ZSCAN29: variants seen among roughly 807,000 people sequenced by gnomAD.
ZSCAN29 encodes zinc finger and SCAN domain containing 29, also known as zinc finger and SCAN domain-containing protein 29.
A neutral mutation model predicts 71.9 loss-of-function variants in ZSCAN29; 55 were observed. The observed-to-expected ratio is 0.76, with a 90% CI of 0.62 to 0.96. The LOEUF is 0.96. ZSCAN29 is among the 40% of genes least tolerant of loss of function. The pLI, the probability that ZSCAN29 is intolerant of heterozygous loss-of-function variation, is 0.00. For missense variants in ZSCAN29, 1,042 were observed against 1,042.2 expected (o/e 1.00, Z 0.00); for synonymous variants, 351 against 371.6 (o/e 0.94, Z 0.64).
rs1284435982 is a variant in ZSCAN29 at position 43,364,613 on chromosome 15, T to TA, written c.1223-232dup. 8 of 581,844 alleles carry TA rather than the reference T, an allele frequency of 1.4e-5. No homozygotes were observed. The African/African-American group carries it at 1.5e-4, about 11-fold the overall frequency. 36.0% of individuals were successfully genotyped at this position (581,844 alleles called of 1,614,324 possible). A position where few individuals can be genotyped will look rare whatever the true frequency, so the allele number is the denominator to read the frequency against. ...TATTTACAAATTCTGTTTAGCCATA[T>TA]AAAAAAGAAGCTGGCCAGGCACAGT... is the stretch of plus-strand genomic sequence containing the variant. On this transcript the variant is annotated intron_variant, in intron 4 of 5. Coordinates refer to ENST00000684362, the MANE Select transcript of ZSCAN29 (RefSeq NM_001372080.1).
intron 5 of ZSCAN29, among the ~76,000 whole-genome samples, chr15:43,363,060 C>G (rs753819434): frequency 1.3e-5 from 2 of 151,926 alleles, no homozygotes; most frequent in Non-Finnish European, 2.9e-5. Flanking sequence ...TCACTGCAAC[C>G]TCTGCCTCCC....
chr15:43,365,459 G>A (rs1276537169), intron 4 of ZSCAN29, among the ~76,000 whole-genome samples: 1 of 152,162 alleles, frequency 6.6e-6, no homozygotes, highest in Admixed American at 6.5e-5. Flanking sequence ...ATGAATCTCA[G>A]AGGAAACTTA....
In ZSCAN29 at chr15:43,366,434, T is replaced by C. The variant is rs746876609; in HGVS notation, c.898A>G (p.Thr300Ala). The change falls in exon 4 of 6, where the codon ACC becomes GCC. Residue 300 changes from threonine to alanine, a missense_variant. Transcript: ENST00000684362. ...GFLRTLEQCRTKFKGLQKSYR... is the reference protein window; with the variant it reads ...GFLRTLEQCRAKFKGLQKSYR... Reference sequence around the variant, plus strand: ...CTCTTCTGGAGACCTTTGAACTTGGTCCGACACTGTTCCAGGGTCCGGAGG... The same window carrying C: ...CTCTTCTGGAGACCTTTGAACTTGGCCCGACACTGTTCCAGGGTCCGGAGG... The C allele has an allele frequency of 3.1e-6, 5 of 1,614,190 alleles. No individual in the cohort carries two copies. The highest frequency in any genetic ancestry group is 4.2e-6 in the Non-Finnish European group (5 of 1,180,036).
chr15:43,361,767 CCT>C lies in ZSCAN29; in HGVS notation c.1863_1864del (p.Gly626LysfsTer11), dbSNP rs1354512931. On this transcript the variant is annotated frameshift_variant, in exon 6 of 6. Transcript: ENST00000684362. LOFTEE classifies it high-confidence loss of function. ...GAGTGTCAGTTTTCCTCTTTTCTCC[CCT>C]GAGGTCTTTGCCCACTGTCTTCCTG... The C allele has an allele frequency of 6.2e-7, 1 of 1,614,144 alleles. No homozygotes were observed. The highest frequency in any genetic ancestry group is 8.5e-7 in the Non-Finnish European group (1 of 1,180,028).
intron 2 of ZSCAN29, 68 bp downstream of exon 2, chr15:43,369,528 T>C: frequency 1.3e-6 from 2 of 1,508,188 alleles, no homozygotes; most frequent in Non-Finnish European, 9.0e-7. Flanking sequence ...TTTAAGCCTG[T>C]CTATATCTTA....
intron 3 of ZSCAN29, among the ~76,000 whole-genome samples, chr15:43,367,882 C>T (rs1001353317): frequency 1.4e-4 from 21 of 152,146 alleles, no homozygotes; most frequent in African/African-American, 4.6e-4. Flanking sequence ...TTCAAAACAA[C>T]CTCAACAAAT....
At chr15:43,365,731 A>C (rs906804042) in intron 4 of ZSCAN29, among the ~76,000 whole-genome samples, 1 of 148,082 alleles carries the variant, frequency 6.8e-6, no homozygotes, top group African/African-American at 2.6e-5. Flanking sequence ...AATATGTAAA[A>C]CATCAAGTTC....
Position 43,358,278 on chromosome 15 carries a change from AGACATCTG to A in ZSCAN29, c.*2787_*2794del, listed in dbSNP as rs1424328383. 6.6e-6 allele frequency: 1 copy of A among 152,640 alleles called. No individual in the cohort carries two copies. Among genetic ancestry groups the A allele is most frequent in the Non-Finnish European group, 1.5e-5 (1 of 68,038 alleles). 9.5% of individuals were successfully genotyped at this position (152,640 alleles called of 1,614,324 possible). A position where few individuals can be genotyped will look rare whatever the true frequency, so the allele number is the denominator to read the frequency against. On this transcript the variant is annotated 3_prime_UTR_variant, in exon 6 of 6. Coordinates refer to ENST00000684362, the MANE Select transcript of ZSCAN29 (RefSeq NM_001372080.1). ...GGAAATGGAGGCAGGTTAACTTACA[AGACATCTG>A]GAACCAGAATATCTGTTGATACCAC... is the stretch of plus-strand genomic sequence containing the variant.
intron 4 of ZSCAN29, 188 bp from the exon 5 acceptor site, chr15:43,364,570 C>T (rs1252855345): frequency 1.4e-6 from 1 of 694,416 alleles, no homozygotes; most frequent in Admixed American, 2.1e-5. Context: ...TATCCTTTAG[C>T]AATTTCACAG....
At position 43,364,104 on chromosome 15, in the gene ZSCAN29, G is replaced by A. The variant is rs201009870; in HGVS notation, c.1501C>T (p.Pro501Ser). 4 of 1,614,114 alleles carry A rather than the reference G, an allele frequency of 2.5e-6. No homozygotes were observed. In the South Asian group the frequency reaches 3.3e-5, roughly 13 times the overall value. ...GTCTCTTCCTGGCCATCATTGGGTGGGGCAGCAACCCGGACACTCACCAAA... is the reference window on the plus strand; with the variant it reads ...GTCTCTTCCTGGCCATCATTGGGTGAGGCAGCAACCCGGACACTCACCAAA... The part of the protein sequence containing the change: ...DALVSVRVAA[P>S]PNDGQEETAS... Residue 501 changes from proline (P) to serine (S), a missense_variant, in exon 5 of 6, where the codon CCA becomes TCA. By Grantham distance (74) the Pro-to-Ser change is moderately conservative. Coordinates refer to ENST00000684362, the MANE Select transcript of ZSCAN29 (RefSeq NM_001372080.1).
rs1238868614 is a variant in ZSCAN29, at chr15:43,359,821, TA to T, written c.*1251del. ...TATTATTCTATTCCAACCCTTCTTCTAGGACTCAGAAGAAACTAAGAAATCC... is the reference window on the plus strand; with the variant it reads ...TATTATTCTATTCCAACCCTTCTTCTGGACTCAGAAGAAACTAAGAAATCC... On this transcript the variant is annotated 3_prime_UTR_variant, in exon 6 of 6. Coordinates refer to ENST00000684362, the MANE Select transcript of ZSCAN29 (RefSeq NM_001372080.1). 2 of 152,236 alleles carry T rather than the reference TA, an allele frequency of 1.3e-5. No homozygotes were observed. Among genetic ancestry groups the T allele is most frequent in the African/African-American group, 4.8e-5 (2 of 41,466 alleles). 9.4% of individuals were successfully genotyped at this position (152,236 alleles called of 1,614,324 possible). A position where few individuals can be genotyped will look rare whatever the true frequency, so the allele number is the denominator to read the frequency against.
At position 43,366,190 on chromosome 15, in the gene ZSCAN29, G is replaced by A. The variant is rs1218316867; in HGVS notation, c.1142C>T (p.Ser381Phe). 6.2e-7 allele frequency: 1 copy of A among 1,614,012 alleles called. No homozygotes were observed. The highest frequency in any genetic ancestry group is 1.6e-4 in the Middle Eastern group (1 of 6,062). ...CTCTAGATCCATGTCATCACTGTCA[G>A]ACTCCTGAGCCACAGCCTCTTCTGC... The part of the protein sequence containing the change: ...EGAEEAVAQE[S>F]DSDDMDLEAT... Residue 381 changes from serine (S) to phenylalanine (F), a missense_variant, in exon 4 of 6, where the codon TCT (serine) becomes TTT (phenylalanine). Physicochemically the swap from Ser to Phe is radical, Grantham distance 155. Coordinates refer to ENST00000684362, the MANE Select transcript of ZSCAN29 (RefSeq NM_001372080.1).
Position 43,370,874 on chromosome 15 carries a change from C to T in ZSCAN29, c.-429G>A, listed in dbSNP as rs1282843574. 1 of 173,826 alleles carries T rather than the reference C, an allele frequency of 5.8e-6. No homozygotes were observed. The allele number at this position is 173,826 out of a possible 1,614,324, so 10.8% of individuals were successfully genotyped here. ...CCCGGCTAAGGCGCCCTGAGGGCGC[C>T]CTCCAGCCCACCCCTGGGAGCGTCT... On this transcript the variant is annotated 5_prime_UTR_variant, in exon 1 of 6. Transcript: ENST00000684362.
chr15:43,371,001 C>CCCGGCCCCGGCCCCGGCT lies in ZSCAN29; in HGVS notation c.-557_-556insAGCCGGGGCCGGGGCCGG. Reference sequence around the variant, plus strand: ...CCCCGGCCCCGGCCCCGGCCCCGGCCCCGGCTCTCCAGCCTCCCAAGTACA... The same window carrying CCCGGCCCCGGCCCCGGCT: ...CCCCGGCCCCGGCCCCGGCCCCGGCCCCGGCCCCGGCCCCGGCTCCGGCTCTCCAGCCTCCCAAGTACA... On this transcript the variant is annotated 5_prime_UTR_variant, in exon 1 of 6. Transcript: ENST00000684362. 1 of 317,660 alleles carries CCCGGCCCCGGCCCCGGCT rather than the reference C, an allele frequency of 3.1e-6. No homozygotes were observed. 19.7% of individuals were successfully genotyped at this position (317,660 alleles called of 1,614,324 possible).
rs1410145814 is a variant in ZSCAN29, at chr15:43,361,600, A to G, written c.2032T>C (p.Tyr678His). The change falls in exon 6 of 6, where the codon TAT becomes CAT. Residue 678 changes from tyrosine (Y) to histidine (H), a missense_variant. Tyr to His is a moderately conservative substitution (Grantham distance 83). Transcript: ENST00000684362. ...HQVSHQVENP[Y>H]KCADCGKSFS... ...CTTTTCCCACAATCAGCACATTTAT[A>G]TGGATTTTCCACCTGGTGGGATACC... 5 of 1,614,064 alleles carry G rather than the reference A, an allele frequency of 3.1e-6. No individual in the cohort carries two copies. Among genetic ancestry groups the G allele is most frequent in the East Asian group, 2.2e-5 (1 of 44,896 alleles).
Position 43,369,535 on chromosome 15 carries a change from C to G in ZSCAN29, c.318+61G>C, listed in dbSNP as rs551343538. 3.3e-6 allele frequency: 5 copies of G among 1,531,438 alleles called. No homozygotes were observed. In the African/African-American group the frequency reaches 6.9e-5, roughly 21 times the overall value. 94.9% of individuals were successfully genotyped at this position (1,531,438 alleles called of 1,614,324 possible). A position where few individuals can be genotyped will look rare whatever the true frequency, so the allele number is the denominator to read the frequency against. On this transcript the variant is annotated intron_variant, in intron 2 of 5. Transcript: ENST00000684362. ...TGTCCCTCTTTAAGCCTGTCTATAT[C>G]TTAATTTAGCCCTCCACCCAGTATC...
chr15:43,361,379 AATG>A lies in ZSCAN29; in HGVS notation c.2250_2252del (p.Ile751del), dbSNP rs1356553395. The A allele has an allele frequency of 1.9e-6, 3 of 1,614,022 alleles. No individual in the cohort carries two copies. The highest frequency in any genetic ancestry group is 1.7e-5 in the Admixed American group (1 of 60,006). On this transcript the variant is annotated inframe_deletion, in exon 6 of 6. Coordinates refer to ENST00000684362, the MANE Select transcript of ZSCAN29 (RefSeq NM_001372080.1). ...TTTCTCCTGTGTGGGTTCTCTGGTG[AATG>A]ATAAGGCTTGAGCTCTGATTGAAGC...
chr15:43,366,481 T>C lies in ZSCAN29; in HGVS notation c.851A>G (p.Glu284Gly). ...RNSQVYGAVA[E>G]RLREYGFLRT... ...GAGGAAGCCATATTCCCTGAGCCGC[T>C]CAGCCACAGCCCCATACACTTGGCT... Residue 284 changes from glutamate to glycine, a missense_variant, in exon 4 of 6, where the codon GAG becomes GGG. By Grantham distance (98) the Glu-to-Gly change is moderately conservative. Coordinates refer to ENST00000684362, the MANE Select transcript of ZSCAN29 (RefSeq NM_001372080.1). The C allele has an allele frequency of 6.2e-7, 1 of 1,614,230 alleles. No homozygotes were observed. Among genetic ancestry groups the C allele is most frequent in the Non-Finnish European group, 8.5e-7 (1 of 1,180,038 alleles).
rs200584649 is a variant in ZSCAN29 at position 43,369,619 on chromosome 15, C to T, written c.295G>A (p.Glu99Lys). The T allele has an allele frequency of 6.2e-7, 1 of 1,613,408 alleles. No individual in the cohort carries two copies. The highest frequency in any genetic ancestry group is 1.3e-5 in the African/African-American group (1 of 75,040). Residue 99 changes from glutamate to lysine, a missense_variant, in exon 2 of 6, where the codon GAG (glutamate) becomes AAG (lysine). Coordinates refer to ENST00000684362, the MANE Select transcript of ZSCAN29 (RefSeq NM_001372080.1). ...ACCGAAGATCTAGGTCTTCCAGGCT[C>T]TCTTTCTAAATCTTCCACGAGAGTC... ...AVTLVEDLER[E>K]PGRPRSSVTV...
Sources: allele counts gnomAD v4.1 joint callset (sites outside exome capture counted in the v4.1 genomes callset), GRCh38; gene constraint gnomAD v4.1.1; transcripts MANE v1.5; gene names NCBI Gene and HGNC (gene_info 2026-07-23, HGNC 2026-07-21).